The following KCNIP4 variants were observed in gnomAD, a reference collection of about 807,000 sequenced individuals.
KCNIP4 encodes the protein potassium voltage-gated channel interacting protein 4.
A neutral mutation model predicts 34.0 loss-of-function variants in KCNIP4; 12 were observed. The ratio of observed to expected loss-of-function variants is 0.35; its 90% CI spans 0.23 to 0.57. The LOEUF is 0.57. KCNIP4 is among the 20% of genes least tolerant of loss of function. The pLI, the probability that KCNIP4 is intolerant of heterozygous loss-of-function variation, is 0.83. For missense variants in KCNIP4, 238 were observed against 311.7 expected (o/e 0.76, Z 1.78); for synonymous variants, 124 against 102.2 (o/e 1.21, Z -1.29).
intron 1 of KCNIP4, among the ~76,000 whole-genome samples, chr4:21,092,751 C>G (rs998675349): frequency 2.0e-5 from 3 of 152,158 alleles, no homozygotes; most frequent in African/African-American, 7.2e-5. Flanking sequence ...AACAAACAGC[C>G]AGGTGGCCCA....
intron 1 of KCNIP4, among the ~76,000 whole-genome samples, chr4:21,180,272 A>G (rs1754744325): frequency 6.6e-6 from 1 of 152,210 alleles, no homozygotes; most frequent in Non-Finnish European, 1.5e-5. Flanking sequence ...AATAACATGA[A>G]TCAAGCTTCT....
chr4:21,755,803 A>C (rs538113126), intron 1 of KCNIP4, among the ~76,000 whole-genome samples: 99 of 152,362 alleles, frequency 6.5e-4, no homozygotes, highest in Middle Eastern at 3.4e-3. Context: ...TTTTCAAAAA[A>C]AAGTGACTGA....
intron 3 of KCNIP4, among the ~76,000 whole-genome samples, chr4:20,824,606 G>T (rs1207876025): frequency 6.6e-6 from 1 of 152,112 alleles, no homozygotes; most frequent in Non-Finnish European, 1.5e-5. Context: ...CTTGAACCCT[G>T]GAGGCAGAGG....
In KCNIP4 at chr4:20,942,030, T is replaced by C. The variant is rs556648124; in HGVS notation, c.62-59321A>G. ...GGTTTCTGGCCCCACGGAGGGATTC[T>C]AGTAGGGGAGGACTTGAAATAGGGA... is the stretch of plus-strand genomic sequence containing the variant. On this transcript the variant is annotated intron_variant, in intron 1 of 8. Coordinates refer to ENST00000382152, the MANE Select transcript of KCNIP4 (RefSeq NM_025221.6). 3.2e-4 allele frequency among the ~76,000 whole-genome samples: 49 copies of C among 152,304 alleles called. No homozygotes were observed. The South Asian group carries it at 8.9e-3, about 28-fold the overall frequency.
intron 1 of KCNIP4, among the ~76,000 whole-genome samples, chr4:20,985,335 T>C (rs1195629457): frequency 1.3e-5 from 2 of 152,220 alleles, no homozygotes. Context: ...AGTTAACATG[T>C]ACTAAGCACT....
intron 1 of KCNIP4, among the ~76,000 whole-genome samples, chr4:21,166,499 C>T (rs906964146): frequency 6.6e-6 from 1 of 152,080 alleles, no homozygotes; most frequent in Non-Finnish European, 1.5e-5. Context: ...TAAACATGCA[C>T]CTACAATATG....
chr4:21,384,106 T>G (rs1721792572), intron 1 of KCNIP4, among the ~76,000 whole-genome samples: 2 of 152,070 alleles, frequency 1.3e-5, no homozygotes, highest in Non-Finnish European at 2.9e-5. Flanking sequence ...TCACCAGGTT[T>G]TTGCATGTCT....
intron 3 of KCNIP4, among the ~76,000 whole-genome samples, chr4:20,771,556 G>A (rs924289235): frequency 6.6e-6 from 1 of 152,152 alleles, no homozygotes; most frequent in Non-Finnish European, 1.5e-5. Context: ...AAGAGGTGTC[G>A]TCTATAGATT....
At chr4:20,736,165 A>T (rs764788867) in intron 5 of KCNIP4, among the ~76,000 whole-genome samples, 1 of 152,130 alleles carries the variant, frequency 6.6e-6, no homozygotes, top group Non-Finnish European at 1.5e-5. Context: ...AATAGTTTGT[A>T]TTTACTTCCA....
intron 1 of KCNIP4, among the ~76,000 whole-genome samples, chr4:21,053,844 G>C (rs563178419): frequency 4.6e-5 from 7 of 152,176 alleles, no homozygotes; most frequent in African/African-American, 1.4e-4. Flanking sequence ...ACAAAACTCC[G>C]ATGAACAAAA....
chr4:21,947,843 G>A (rs1254881272), intron 1 of KCNIP4, among the ~76,000 whole-genome samples: 2 of 152,130 alleles, frequency 1.3e-5, no homozygotes, highest in Non-Finnish European at 2.9e-5. Context: ...AACCCAAGAC[G>A]CTTTGTGGAA....
At chr4:21,608,349 C>T (rs971001837) in intron 1 of KCNIP4, among the ~76,000 whole-genome samples, 6 of 152,176 alleles carry the variant, frequency 3.9e-5, no homozygotes, top group African/African-American at 1.2e-4. Flanking sequence ...TCTGTTCTTG[C>T]TCATTCAGGC....
intron 1 of KCNIP4, among the ~76,000 whole-genome samples, chr4:21,626,933 T>C (rs955178299): frequency 6.6e-6 from 1 of 152,154 alleles, no homozygotes; most frequent in Admixed American, 6.6e-5. Context: ...TGGCTTACAA[T>C]CTATGTTTAT....
intron 1 of KCNIP4, among the ~76,000 whole-genome samples, chr4:21,152,809 A>G (rs1050326084): frequency 6.6e-6 from 1 of 152,142 alleles, no homozygotes; most frequent in Middle Eastern, 3.2e-3. Flanking sequence ...ACAAGAGCGA[A>G]GCCTATTGTG....
At chr4:21,673,305 G>A (rs1339656734) in intron 1 of KCNIP4, among the ~76,000 whole-genome samples, 1 of 152,150 alleles carries the variant, frequency 6.6e-6, no homozygotes, top group Non-Finnish European at 1.5e-5. Flanking sequence ...ACTCAAAAGT[G>A]TTATTTTCCA....
At chr4:21,196,748 T>C (rs773472500) in intron 1 of KCNIP4, among the ~76,000 whole-genome samples, 1 of 152,240 alleles carries the variant, frequency 6.6e-6, no homozygotes, top group Non-Finnish European at 1.5e-5. Flanking sequence ...AAATTTCATA[T>C]AATGCTCATT....
chr4:21,132,771 C>G (rs751232895), intron 1 of KCNIP4, among the ~76,000 whole-genome samples: 7 of 150,190 alleles, frequency 4.7e-5, no homozygotes, highest in Non-Finnish European at 8.9e-5. Flanking sequence ...CACTTTGGGA[C>G]GCTAAGGCAG....
intron 3 of KCNIP4, among the ~76,000 whole-genome samples, chr4:20,807,952 T>G (rs528100468): frequency 3.9e-4 from 60 of 152,270 alleles, no homozygotes; most frequent in African/African-American, 1.4e-3. Context: ...CAATTTAAAA[T>G]ATAGCCTGAT....
intron 1 of KCNIP4, among the ~76,000 whole-genome samples, chr4:21,706,671 G>A (rs1431389096): frequency 6.6e-6 from 1 of 152,178 alleles, no homozygotes; most frequent in Admixed American, 6.6e-5. Context: ...GGAATGACGA[G>A]TGTAGTGATT....
Sources: allele counts gnomAD v4.1 joint callset (sites outside exome capture counted in the v4.1 genomes callset), GRCh38; gene constraint gnomAD v4.1.1; transcripts MANE v1.5; gene names NCBI Gene and HGNC (gene_info 2026-07-23, HGNC 2026-07-21).